JADE3: variants seen among roughly 807,000 people sequenced by gnomAD.
JADE3 encodes the protein jade family PHD finger 3.
JADE3 carries 2 observed loss-of-function variants against 50.1 expected under a neutral mutation model. The ratio of observed to expected loss-of-function variants is 0.04; its 90% CI spans 0.02 to 0.13. The LOEUF (loss-of-function observed/expected upper bound fraction) is 0.13. Among genes scored for constraint, JADE3 ranks in the 10% least tolerant of loss-of-function variants. The pLI, the probability that JADE3 is intolerant of heterozygous loss-of-function variation, is 1.00. For synonymous variants in JADE3, 218 were observed against 232.9 expected (o/e 0.94, Z 0.58); for missense variants, 475 against 634.4 (o/e 0.75, Z 2.70).
intron 4 of JADE3, among the ~76,000 whole-genome samples, chrX:47,003,951 G>A (rs887128645): frequency 9.5e-6 from 1 of 104,877 alleles, no homozygotes; most frequent in Admixed American, 1.1e-4. Flanking sequence ...GAGAGACAGG[G>A]TCTCGCTCTG....
chrX:46,942,770 T>C (rs1926792226), intron 1 of JADE3, among the ~76,000 whole-genome samples: 1 of 112,226 alleles, frequency 8.9e-6, no homozygotes, highest in Admixed American at 9.5e-5. Flanking sequence ...AGGAACAGTG[T>C]TGAATCCGTA....
At chrX:46,941,534 T>A (rs1926758299) in intron 1 of JADE3, among the ~76,000 whole-genome samples, 1 of 111,848 alleles carries the variant, frequency 8.9e-6, no homozygotes, top group South Asian at 3.7e-4. Context: ...AGTGTCTAAG[T>A]TCCTTTTTCT....
intron 6 of JADE3, among the ~76,000 whole-genome samples, chrX:47,030,514 C>T (rs373066826): frequency 1.8e-5 from 2 of 111,635 alleles, no homozygotes; most frequent in South Asian, 7.4e-4. Flanking sequence ...TGGCTTAGAG[C>T]TCCCTCTGTT....
intron 1 of JADE3, among the ~76,000 whole-genome samples, chrX:46,974,983 C>T (rs1012577882): frequency 8.9e-6 from 1 of 112,040 alleles, no homozygotes; most frequent in Non-Finnish European, 1.9e-5. Context: ...GACCTCTATC[C>T]CTAGATGCCA....
At chrX:47,041,270 T>G (rs184409852) in intron 8 of JADE3, among the ~76,000 whole-genome samples, 2 of 112,297 alleles carry the variant, frequency 1.8e-5, no homozygotes, top group Admixed American at 1.9e-4. Context: ...ATTTGTGATA[T>G]GCATTTCCCC....
rs6651865 is a variant in JADE3 at position 47,037,706 on chromosome X, A to G, written c.856-1243A>G. On this transcript the variant is annotated intron_variant, in intron 7 of 10. Transcript: ENST00000614628. ...GGATGCATGAGATTTTGATACAGGC[A>G]TGTAATGCCTAATAATGACATCATG... 3.9e-3 allele frequency among the ~76,000 whole-genome samples: 437 copies of G among 112,610 alleles called. 2 individuals are homozygous for G. Among genetic ancestry groups the G allele is most frequent in the African/African-American group, 0.013 (417 of 31,024 alleles).
Position 47,058,647 on chromosome X carries a change from A to G in JADE3, c.2042A>G (p.Asp681Gly). 8.3e-7 allele frequency: 1 copy of G among 1,211,476 alleles called. No homozygotes were observed. The change falls in exon 11 of 11, where the codon GAC (aspartate) becomes GGC (glycine). Residue 681 changes from aspartate (D) to glycine (G), a missense_variant. Coordinates refer to ENST00000614628, the MANE Select transcript of JADE3 (RefSeq NM_014735.5). The part of the protein sequence containing the change: ...GSWSGNVTQK[D>G]SSSEMFCDQE... ...TGGTCTGGGAATGTCACCCAAAAAG[A>G]CAGCTCGAGTGAGATGTTCTGTGAC...
chrX:47,038,648 T>G (rs1556368647), intron 7 of JADE3, among the ~76,000 whole-genome samples: 1 of 71,025 alleles, frequency 1.4e-5, no homozygotes, highest in Non-Finnish European at 2.6e-5. Flanking sequence ...AGGGAGACCT[T>G]GTCTCTAAAA....
intron 8 of JADE3, among the ~76,000 whole-genome samples, chrX:47,046,351 G>A (rs782730291): frequency 1.8e-5 from 2 of 111,450 alleles, no homozygotes; most frequent in African/African-American, 3.3e-5. Context: ...AAATCTGAAC[G>A]GACCAGTAAC....
chrX:47,058,303 T>C lies in JADE3; in HGVS notation c.1698T>C (p.Ser566=). 1 of 1,210,643 alleles carries C rather than the reference T, an allele frequency of 8.3e-7. No homozygotes were observed. Among genetic ancestry groups the C allele is most frequent in the African/African-American group, 1.7e-5 (1 of 57,423 alleles). Reference sequence around the variant, plus strand: ...CAGAAACCGATCAGCAGCCCCACTCTCCTGACAGCAGCTCATCTGTTCACA... The same window carrying C: ...CAGAAACCGATCAGCAGCCCCACTCCCCTGACAGCAGCTCATCTGTTCACA... ...SSTETDQQPH[S]PDSSSSVHSI... is the part of the protein sequence containing the mutation. Residue 566 remains serine, a synonymous_variant, in exon 11 of 11, where the codon TCT becomes TCC. Coordinates refer to ENST00000614628, the MANE Select transcript of JADE3 (RefSeq NM_014735.5).
In JADE3 at chrX:47,059,383, A is replaced by T. The variant is rs1224438508; in HGVS notation, c.*306A>T. On this transcript the variant is annotated 3_prime_UTR_variant, in exon 11 of 11. Transcript: ENST00000614628. ...GGTTATATAACACATTGACAAGTAT[A>T]TGTATTAAGAGTCCTTGCATTGTTA... The T allele has an allele frequency of 2.2e-5, 5 of 230,510 alleles. No individual in the cohort carries two copies. The highest frequency in any genetic ancestry group is 5.8e-5 in the African/African-American group (2 of 34,729). 19.0% of individuals were successfully genotyped at this position (230,510 alleles called of 1,213,427 possible). A position where few individuals can be genotyped will look rare whatever the true frequency, so the allele number is the denominator to read the frequency against.
chrX:47,006,184 G>T (rs961178728), intron 4 of JADE3, among the ~76,000 whole-genome samples: 3 of 111,500 alleles, frequency 2.7e-5, no homozygotes, highest in Admixed American at 9.5e-5. Flanking sequence ...AAAAAAAATA[G>T]TATCCCTCTT....
At chrX:46,981,932 A>G (rs1437073735) in intron 1 of JADE3, among the ~76,000 whole-genome samples, 2 of 111,190 alleles carry the variant, frequency 1.8e-5, no homozygotes, top group Non-Finnish European at 3.8e-5. Flanking sequence ...TTTGGCTTTC[A>G]GTAATTTTAC....
intron 3 of JADE3, among the ~76,000 whole-genome samples, chrX:46,986,968 A>C (rs1481072593): frequency 8.9e-6 from 1 of 112,543 alleles, no homozygotes; most frequent in Non-Finnish European, 1.9e-5. Context: ...AGCAGCACAC[A>C]CTTATATCTC....
chrX:47,003,500 A>G (rs1256709053), intron 4 of JADE3, among the ~76,000 whole-genome samples: 2 of 107,529 alleles, frequency 1.9e-5, no homozygotes, highest in Non-Finnish European at 3.8e-5. Context: ...ACTTGCAAAT[A>G]TCTTGTTGGA....
chrX:47,042,236 A>C (rs1929277333), intron 8 of JADE3, among the ~76,000 whole-genome samples: 1 of 111,764 alleles, frequency 8.9e-6, no homozygotes, highest in Non-Finnish European at 1.9e-5. Flanking sequence ...AGTAATTGGC[A>C]ATAAGACTTT....
At chrX:46,953,120 T>G (rs1487835673) in intron 1 of JADE3, among the ~76,000 whole-genome samples, 1 of 111,883 alleles carries the variant, frequency 8.9e-6, no homozygotes, top group Non-Finnish European at 1.9e-5. Flanking sequence ...TTACTTTTTG[T>G]TGCTGCTGCC....
In JADE3 at chrX:47,058,356, A is replaced by G. The variant is rs1929676152; in HGVS notation, c.1751A>G (p.Glu584Gly). 8.3e-7 allele frequency: 1 copy of G among 1,210,903 alleles called. No individual in the cohort carries two copies. The highest frequency in any genetic ancestry group is 1.1e-6 in the Non-Finnish European group (1 of 894,942). The change falls in exon 11 of 11, where the codon GAG becomes GGG. Residue 584 changes from glutamate to glycine, a missense_variant. Glu to Gly is a moderately conservative substitution (Grantham distance 98). Transcript: ENST00000614628. The stretch of plus-strand genomic sequence containing the variant: ...ATAAGGAACATGCAGGTGCCTCAGG[A>G]GTCACTAGAAATGAGAACAAAATCG... ...HSIRNMQVPQ[E>G]SLEMRTKSYP...
chrX:46,996,365 G>A (rs944688546), intron 3 of JADE3, among the ~76,000 whole-genome samples: 4 of 112,208 alleles, frequency 3.6e-5, no homozygotes, highest in Non-Finnish European at 7.5e-5. Context: ...CCATAGACAA[G>A]GACCACATTT....
Sources: gnomAD v4.1 joint callset for allele counts (sites outside exome capture counted in the v4.1 genomes callset) on GRCh38, gnomAD v4.1.1 for gene constraint, MANE v1.5 for transcripts, NCBI Gene and HGNC (gene_info 2026-07-23, HGNC 2026-07-21) for gene names.